DACH2: variants seen among roughly 807,000 people sequenced by gnomAD.
DACH2 encodes dachshund homolog 2.
A neutral mutation model predicts 35.8 loss-of-function variants in DACH2; 17 were observed. That is an observed-to-expected ratio of 0.48 (90% CI 0.33 to 0.71). The LOEUF (loss-of-function observed/expected upper bound fraction) is 0.71, where lower values mean the gene tolerates loss of function less well. DACH2 is among the 30% of genes least tolerant of loss of function. The pLI is 0.02. For synonymous variants in DACH2, 195 were observed against 177.3 expected, an observed-to-expected ratio of 1.10 and a Z score of -0.79; for missense variants, 469 against 472.7, an observed-to-expected ratio of 0.99 and a Z score of 0.07.
intron 6 of DACH2, among the ~76,000 whole-genome samples, chrX:86,731,900 A>T (rs781266565): frequency 8.9e-6 from 1 of 112,298 alleles, no homozygotes; most frequent in Non-Finnish European, 1.9e-5. Flanking sequence ...TTAACAATGC[A>T]TCTTAGATGC....
chrX:86,292,003 T>G (rs6617208), intron 1 of DACH2, among the ~76,000 whole-genome samples: 1 of 61,068 alleles, frequency 1.6e-5, no homozygotes, highest in Non-Finnish European at 2.9e-5. Context: ...AGGAATGGTA[T>G]GAGTTCCTGC....
chrX:86,309,453 C>T (rs779339659), intron 1 of DACH2, among the ~76,000 whole-genome samples: 1 of 106,430 alleles, frequency 9.4e-6, no homozygotes, highest in Non-Finnish European at 1.9e-5. Context: ...ACTGTCCTAC[C>T]ACAGGGGTAT....
At chrX:86,823,443 A>G (rs2042532576) in intron 11 of DACH2, among the ~76,000 whole-genome samples, 1 of 111,825 alleles carries the variant, frequency 8.9e-6, no homozygotes, top group African/African-American at 3.2e-5. Flanking sequence ...TTTACATTTT[A>G]CTTTTTTAAT....
chrX:86,500,203 A>G (rs1160907079), intron 2 of DACH2, among the ~76,000 whole-genome samples: 1 of 111,701 alleles, frequency 9.0e-6, no homozygotes, highest in Non-Finnish European at 1.9e-5. Context: ...AATCCAATAT[A>G]CACTGGTTTG....
intron 2 of DACH2, among the ~76,000 whole-genome samples, chrX:86,402,276 A>C (rs1345074939): frequency 8.9e-6 from 1 of 112,170 alleles, no homozygotes; most frequent in Non-Finnish European, 1.9e-5. Context: ...AATTTTATAC[A>C]TTGAAAACTC....
chrX:86,808,856 G>A (rs761108652), intron 7 of DACH2, among the ~76,000 whole-genome samples: 1 of 111,368 alleles, frequency 9.0e-6, no homozygotes, highest in East Asian at 2.8e-4. Context: ...TGCAAAATGG[G>A]AAAATAAGCA....
At chrX:86,750,864 A>T (rs987924141) in intron 7 of DACH2, among the ~76,000 whole-genome samples, 2 of 111,608 alleles carry the variant, frequency 1.8e-5, no homozygotes, top group Admixed American at 9.6e-5. Context: ...GGTTATTTCC[A>T]TGTATTTGTT....
rs1269306412 is a variant in DACH2, at chrX:86,259,777, G to C, written c.488+110669G>C. Among the ~76,000 whole-genome samples, 4 of 111,629 alleles carry C rather than the reference G, an allele frequency of 3.6e-5. No individual in the cohort carries two copies. In the East Asian group the frequency reaches 1.1e-3, roughly 31 times the overall value. On this transcript the variant is annotated intron_variant, in intron 1 of 11. Coordinates refer to ENST00000373125, the MANE Select transcript of DACH2 (RefSeq NM_053281.3). ...TAAAACTTAAGTTAAACTTTGAGAA[G>C]CTTTAAACAAATCTTTTTTAGCTGA...
chrX:86,385,636 C>A (rs1017889578), intron 2 of DACH2, among the ~76,000 whole-genome samples: 11 of 110,860 alleles, frequency 9.9e-5, no homozygotes, highest in African/African-American at 2.9e-4. Flanking sequence ...ATTTTTGTAT[C>A]TTTGGGGGTC....
At chrX:86,178,741 A>G in intron 1 of DACH2, among the ~76,000 whole-genome samples, 1 of 111,355 alleles carries the variant, frequency 9.0e-6, no homozygotes. Flanking sequence ...ATAAATCATG[A>G]GGTTTTTAAG....
intron 3 of DACH2, among the ~76,000 whole-genome samples, chrX:86,623,386 A>G (rs1324972722): frequency 8.9e-6 from 1 of 111,893 alleles, no homozygotes; most frequent in African/African-American, 3.3e-5. Flanking sequence ...GGATAAAAGC[A>G]TTTCAGGGGA....
At chrX:86,250,213 G>T (rs2033371686) in intron 1 of DACH2, among the ~76,000 whole-genome samples, 1 of 111,391 alleles carries the variant, frequency 9.0e-6, no homozygotes, top group Non-Finnish European at 1.9e-5. Flanking sequence ...ATAAAAGTTG[G>T]AAAGAAAAGA....
rs889702718 is a variant in DACH2 at position 86,717,107 on chromosome X, A to G, written c.1104+2387A>G. On this transcript the variant is annotated intron_variant, in intron 6 of 11. Transcript: ENST00000373125. Reference sequence around the variant, plus strand: ...CTGATAAAAATTTCTATTTCTCTACAAATCTATCAGAAATATATTTTGTCA... The same window carrying G: ...CTGATAAAAATTTCTATTTCTCTACGAATCTATCAGAAATATATTTTGTCA... Among the ~76,000 whole-genome samples the G allele has an allele frequency of 6.2e-5, 7 of 112,124 alleles. No homozygotes were observed. The Admixed American group carries it at 6.6e-4, about 11-fold the overall frequency.
At chrX:86,482,800 C>G in intron 2 of DACH2, among the ~76,000 whole-genome samples, 1 of 110,146 alleles carries the variant, frequency 9.1e-6, no homozygotes. Flanking sequence ...CCATGGAATA[C>G]TATGCAGCCG....
intron 4 of DACH2, among the ~76,000 whole-genome samples, chrX:86,683,715 A>G (rs2040908836): frequency 9.0e-6 from 1 of 111,616 alleles, no homozygotes; most frequent in Non-Finnish European, 1.9e-5. Flanking sequence ...TTTATATTCT[A>G]AAAAAACTTA....
At chrX:86,711,018 G>C (rs1373303033) in intron 5 of DACH2, among the ~76,000 whole-genome samples, 2 of 112,152 alleles carry the variant, frequency 1.8e-5, no homozygotes, top group African/African-American at 6.5e-5. Flanking sequence ...TGGCTAGAAG[G>C]AGGTGGTGCT....
intron 7 of DACH2, among the ~76,000 whole-genome samples, chrX:86,810,181 A>C (rs1170336786): frequency 9.0e-6 from 1 of 111,395 alleles, no homozygotes; most frequent in Non-Finnish European, 1.9e-5. Flanking sequence ...ATTTAATGGC[A>C]TTTTTTTCAT....
chrX:86,703,132 C>T (rs747895230), intron 5 of DACH2, among the ~76,000 whole-genome samples: 16 of 111,131 alleles, frequency 1.4e-4, no homozygotes, highest in African/African-American at 4.9e-4. Flanking sequence ...AGTCCAGAAA[C>T]GTGATTCACC....
At chrX:86,457,264 G>A (rs759530172) in intron 2 of DACH2, among the ~76,000 whole-genome samples, 1 of 111,464 alleles carries the variant, frequency 9.0e-6, no homozygotes, top group African/African-American at 3.3e-5. Flanking sequence ...GATGGATAAC[G>A]GTTCTCTAAG....
Sources: allele counts gnomAD v4.1 joint callset (sites outside exome capture counted in the v4.1 genomes callset), GRCh38; gene constraint gnomAD v4.1.1; transcripts MANE v1.5; gene names NCBI Gene and HGNC (gene_info 2026-07-23, HGNC 2026-07-21).